Variants in IL1RAPL1 observed in about 807,000 individuals in gnomAD.
IL1RAPL1 encodes interleukin-1 receptor accessory protein-like 1.
A neutral mutation model predicts 48.4 loss-of-function variants in IL1RAPL1; 3 were observed. The ratio of observed to expected loss-of-function variants is 0.06; its 90% CI spans 0.03 to 0.16. The LOEUF (loss-of-function observed/expected upper bound fraction) is 0.16. IL1RAPL1 is among the 10% of genes least tolerant of loss of function. The pLI, the probability that IL1RAPL1 is intolerant of heterozygous loss-of-function variation, is 1.00. For missense variants in IL1RAPL1, 349 were observed against 530.6 expected (o/e 0.66, Z 3.36); for synonymous variants, 185 against 187.7 (o/e 0.99, Z 0.12).
intron 1 of IL1RAPL1, among the ~76,000 whole-genome samples, chrX:28,755,385 TAATTAA>T (rs1452614586): frequency 8.9e-6 from 1 of 112,492 alleles, no homozygotes; most frequent in Non-Finnish European, 1.9e-5. Flanking sequence ...AACTTTGAAT[TAATTAA>T]AATTAAGTAA....
intron 2 of IL1RAPL1, among the ~76,000 whole-genome samples, chrX:28,976,946 G>C (rs1313844229): frequency 8.9e-6 from 1 of 112,320 alleles, no homozygotes; most frequent in African/African-American, 3.2e-5. Flanking sequence ...CAGGAAAACA[G>C]CTATAGATAT....
intron 3 of IL1RAPL1, among the ~76,000 whole-genome samples, chrX:29,359,787 G>A (rs1473144441): frequency 9.0e-6 from 1 of 111,524 alleles, no homozygotes; most frequent in Non-Finnish European, 1.9e-5. Flanking sequence ...TAGCAGTAAG[G>A]TGCATACTCC....
At chrX:29,433,809 T>A in intron 5 of IL1RAPL1, among the ~76,000 whole-genome samples, 1 of 111,028 alleles carries the variant, frequency 9.0e-6, no homozygotes, top group Middle Eastern at 4.6e-3. Context: ...TTCCCTCATC[T>A]TGTAACTTTT....
At chrX:29,159,615 A>T (rs6630817) in intron 2 of IL1RAPL1, among the ~76,000 whole-genome samples, 1,345 of 112,421 alleles carry the variant, frequency 0.012, 20 homozygotes, top group African/African-American at 0.041. Context: ...AATGGATAGC[A>T]CATCAATTGG....
chrX:29,253,313 G>C (rs1446205626), intron 2 of IL1RAPL1, among the ~76,000 whole-genome samples: 4 of 110,914 alleles, frequency 3.6e-5, no homozygotes, highest in Non-Finnish European at 7.6e-5. Flanking sequence ...TGAGCAAATA[G>C]ATTAAAAATA....
At chrX:29,756,596 A>G (rs1928623703) in intron 6 of IL1RAPL1, among the ~76,000 whole-genome samples, 1 of 110,302 alleles carries the variant, frequency 9.1e-6, no homozygotes, top group Non-Finnish European at 1.9e-5. Flanking sequence ...TAGTTTTAAT[A>G]GAGACGGGGT....
At chrX:29,439,851 GTTTTTTTTTTTT>G (rs760458968) in intron 5 of IL1RAPL1, among the ~76,000 whole-genome samples, 1 of 59,865 alleles carries the variant, frequency 1.7e-5, no homozygotes, top group Non-Finnish European at 2.9e-5. Context: ...TGTTTGTTTG[GTTTTTTTTTTTT>G]TTTTTTTTGG....
intron 5 of IL1RAPL1, among the ~76,000 whole-genome samples, chrX:29,514,935 T>G (rs1935430923): frequency 8.9e-6 from 1 of 112,739 alleles, no homozygotes; most frequent in African/African-American, 3.2e-5. Context: ...TCCTTTGAAA[T>G]ATAATATTCC....
chrX:29,676,299 G>A (rs1251397929), intron 6 of IL1RAPL1, among the ~76,000 whole-genome samples: 2 of 112,246 alleles, frequency 1.8e-5, no homozygotes, highest in African/African-American at 6.5e-5. Context: ...ACATTTGAAT[G>A]CTGTAAAAGA....
rs1303280613 is a variant in IL1RAPL1, at chrX:29,109,480, A to G, written c.83-173458A>G. Among the ~76,000 whole-genome samples, 5 of 110,590 alleles carry G rather than the reference A, an allele frequency of 4.5e-5. No homozygotes were observed. In the East Asian group the frequency reaches 1.4e-3, roughly 31 times the overall value. ...GCTATATTTAAGTCTCCCTTATTTT[A>G]TTTTTTAGTAATATTAAATTATTTT... On this transcript the variant is annotated intron_variant, in intron 2 of 10. Transcript: ENST00000378993.
intron 2 of IL1RAPL1, among the ~76,000 whole-genome samples, chrX:29,184,618 G>C (rs748299381): frequency 9.0e-6 from 1 of 110,509 alleles, no homozygotes; most frequent in Non-Finnish European, 1.9e-5. Context: ...CTCCTGCCTC[G>C]GACTCCTGAG....
At chrX:29,489,781 T>C (rs374114266) in intron 5 of IL1RAPL1, among the ~76,000 whole-genome samples, 2 of 112,005 alleles carry the variant, frequency 1.8e-5, no homozygotes, top group East Asian at 5.6e-4. Context: ...GTCGTGCAGA[T>C]AGTTACTAGT....
At chrX:28,636,967 C>T (rs914467299) in intron 1 of IL1RAPL1, among the ~76,000 whole-genome samples, 4 of 110,977 alleles carry the variant, frequency 3.6e-5, no homozygotes, top group Admixed American at 9.7e-5. Context: ...CAATGTTTGC[C>T]GTACCACCAA....
intron 5 of IL1RAPL1, among the ~76,000 whole-genome samples, chrX:29,450,028 A>G (rs1290243033): frequency 9.0e-6 from 1 of 111,034 alleles, no homozygotes; most frequent in Non-Finnish European, 1.9e-5. Context: ...TGATAATATC[A>G]GCACTTTTAC....
At position 28,924,405 on chromosome X, in the gene IL1RAPL1, A is replaced by G. The variant is rs112586730; in HGVS notation, c.82+134980A>G. On this transcript the variant is annotated intron_variant, in intron 2 of 10. Coordinates refer to ENST00000378993, the MANE Select transcript of IL1RAPL1 (RefSeq NM_014271.4). ...AGAAAACAATTCAGTACCACTTAAA[A>G]ATAATTTGAATATCAGTCATCATAA... Among the ~76,000 whole-genome samples, 196 of 112,373 alleles carry G rather than the reference A, an allele frequency of 1.7e-3. 1 individual carries two copies. The highest frequency in any genetic ancestry group is 9.2e-3 in the Middle Eastern group (2 of 217).
chrX:29,110,644 T>A (rs185602829), intron 2 of IL1RAPL1, among the ~76,000 whole-genome samples: 9 of 112,154 alleles, frequency 8.0e-5, no homozygotes, highest in Non-Finnish European at 1.5e-4. Context: ...GAGCTTCACG[T>A]ACTTCAAAAC....
intron 3 of IL1RAPL1, among the ~76,000 whole-genome samples, chrX:29,315,231 G>A (rs774012688): frequency 1.9e-4 from 21 of 111,736 alleles, no homozygotes; most frequent in South Asian, 1.5e-3. Flanking sequence ...AGATGAGTTC[G>A]GATAACAAAA....
rs79864885 is a variant in IL1RAPL1 at position 28,858,601 on chromosome X, T to C, written c.82+69176T>C. 4.4e-5 allele frequency among the ~76,000 whole-genome samples: 5 copies of C among 112,602 alleles called. No individual in the cohort carries two copies. In the East Asian group the frequency reaches 1.4e-3, roughly 31 times the overall value. On this transcript the variant is annotated intron_variant, in intron 2 of 10. Coordinates refer to ENST00000378993, the MANE Select transcript of IL1RAPL1 (RefSeq NM_014271.4). ...TTTAGCAAAAATGTACTTTTAAAAT[T>C]AAGTTATGTACATTGTTTTCAGACA...
intron 1 of IL1RAPL1, among the ~76,000 whole-genome samples, chrX:28,653,399 C>T (rs867304718): frequency 2.7e-5 from 3 of 109,987 alleles, no homozygotes; most frequent in Non-Finnish European, 5.7e-5. Flanking sequence ...TACTTGAACC[C>T]GGGAGGCGGA....
Sources: gnomAD v4.1 joint callset for allele counts (sites outside exome capture counted in the v4.1 genomes callset) on GRCh38, gnomAD v4.1.1 for gene constraint, MANE v1.5 for transcripts, NCBI Gene and HGNC (gene_info 2026-07-23, HGNC 2026-07-21) for gene names.